SLC35F1: variants seen among roughly 807,000 people sequenced by gnomAD.
SLC35F1 encodes solute carrier family 35 member F1, also known as chromosome 6 open reading frame 169.
In SLC35F1, 14 loss-of-function variants were observed where a neutral mutation model predicts 48.7. That is an observed-to-expected ratio of 0.29 (90% CI 0.19 to 0.45). The LOEUF is 0.45. Among genes scored for constraint, SLC35F1 ranks in the 20% least tolerant of loss-of-function variants. The pLI is 1.00. For missense variants in SLC35F1, 404 were observed against 500.0 expected (o/e 0.81, Z 1.83); for synonymous variants, 190 against 202.2 (o/e 0.94, Z 0.51).
intron 1 of SLC35F1, among the ~76,000 whole-genome samples, chr6:118,067,353 C>T (rs139042355): frequency 1.4e-4 from 21 of 152,080 alleles, no homozygotes; most frequent in African/African-American, 2.4e-4. Flanking sequence ...GTGCTAGAGA[C>T]GCAGATTAAG....
intron 4 of SLC35F1, among the ~76,000 whole-genome samples, chr6:118,269,438 A>G (rs1261054563): frequency 6.6e-6 from 1 of 152,198 alleles, no homozygotes; most frequent in Non-Finnish European, 1.5e-5. Flanking sequence ...TTTTAAGACC[A>G]GCCCAGATAT....
rs143052059 is a variant in SLC35F1 at position 118,060,053 on chromosome 6, T to C, written c.174-94392T>C. 3.9e-3 allele frequency among the ~76,000 whole-genome samples: 592 copies of C among 152,328 alleles called. 2 individuals are homozygous for C. The highest frequency in any genetic ancestry group is 4.3e-3 in the Non-Finnish European group (291 of 68,032). ...GTATCTAATTAGAGAGAAAATATCT[T>C]CTATTATAAAGATCAAAGCCACATA... On this transcript the variant is annotated intron_variant, in intron 1 of 7. Transcript: ENST00000360388.
intron 3 of SLC35F1, among the ~76,000 whole-genome samples, chr6:118,261,281 C>A (rs1481823515): frequency 6.6e-6 from 1 of 152,156 alleles, no homozygotes; most frequent in Non-Finnish European, 1.5e-5. Flanking sequence ...ATCCAGAGGC[C>A]TTCCCTGGTG....
intron 1 of SLC35F1, among the ~76,000 whole-genome samples, chr6:118,145,134 C>T (rs1297997174): frequency 6.6e-6 from 1 of 152,192 alleles, no homozygotes; most frequent in Non-Finnish European, 1.5e-5. Flanking sequence ...TCACTCCCTA[C>T]CTCTCCATAC....
At chr6:118,272,254 A>C (rs1775860800) in intron 4 of SLC35F1, among the ~76,000 whole-genome samples, 1 of 152,202 alleles carries the variant, frequency 6.6e-6, no homozygotes, top group South Asian at 2.1e-4. Context: ...ACAAGTTAAC[A>C]AGTAACAGAC....
intron 1 of SLC35F1, among the ~76,000 whole-genome samples, chr6:117,925,840 C>G (rs1379830614): frequency 6.6e-6 from 1 of 152,040 alleles, no homozygotes; most frequent in Non-Finnish European, 1.5e-5. Context: ...GTCTGTGGCA[C>G]CTTTGATAAT....
intron 1 of SLC35F1, among the ~76,000 whole-genome samples, chr6:118,002,814 A>C (rs1421170788): frequency 6.6e-6 from 1 of 151,796 alleles, no homozygotes; most frequent in East Asian, 1.9e-4. Flanking sequence ...GTAAAAGTGG[A>C]ATTATTAAAA....
At chr6:118,300,133 A>G (rs1166576956) in intron 7 of SLC35F1, among the ~76,000 whole-genome samples, 1 of 152,164 alleles carries the variant, frequency 6.6e-6, no homozygotes, top group Non-Finnish European at 1.5e-5. Context: ...AATTAAGGGG[A>G]AAAAATTACA....
At chr6:118,176,288 C>G (rs1401300431) in intron 2 of SLC35F1, among the ~76,000 whole-genome samples, 1 of 152,088 alleles carries the variant, frequency 6.6e-6, no homozygotes, top group Non-Finnish European at 1.5e-5. Context: ...AGCTTCAGTT[C>G]AGTTCATTTC....
In SLC35F1 at chr6:117,994,488, T is replaced by G. The variant is rs7748073; in HGVS notation, c.173+86589T>G. On this transcript the variant is annotated intron_variant, in intron 1 of 7. Coordinates refer to ENST00000360388, the MANE Select transcript of SLC35F1 (RefSeq NM_001029858.4). ...GCCATTTTGCCTTCCACAGCTTTCA[T>G]AGACCTCCTCACAAGAGCTATTTCC... 2.1e-3 allele frequency among the ~76,000 whole-genome samples: 313 copies of G among 152,338 alleles called. 2 individuals are homozygous for G. Among genetic ancestry groups the G allele is most frequent in the African/African-American group, 7.2e-3 (301 of 41,584 alleles).
At chr6:118,210,828 T>A (rs1774992303) in intron 2 of SLC35F1, among the ~76,000 whole-genome samples, 1 of 152,166 alleles carries the variant, frequency 6.6e-6, no homozygotes, top group Non-Finnish European at 1.5e-5. Flanking sequence ...GGAGCCATAG[T>A]CCAAGTGCTG....
At chr6:118,184,970 C>T (rs914975084) in intron 2 of SLC35F1, among the ~76,000 whole-genome samples, 3 of 152,174 alleles carry the variant, frequency 2.0e-5, no homozygotes, top group Non-Finnish European at 4.4e-5. Context: ...TTAGTCACCA[C>T]CAAATTGCAC....
At chr6:118,249,005 A>G (rs1010925859) in intron 3 of SLC35F1, among the ~76,000 whole-genome samples, 4 of 152,218 alleles carry the variant, frequency 2.6e-5, no homozygotes, top group African/African-American at 9.6e-5. Flanking sequence ...ACGCGAGGAC[A>G]CAGAGAAATG....
Position 117,907,819 on chromosome 6 carries a change from C to T in SLC35F1, c.93C>T (p.Ala31=), listed in dbSNP as rs1334825290. 4.5e-6 allele frequency: 7 copies of T among 1,547,438 alleles called. No individual in the cohort carries two copies. The highest frequency in any genetic ancestry group is 2.0e-4 in the Middle Eastern group (1 of 5,038). ...HVVTTIENLP[A]EGSGGGGSLS... is the part of the protein sequence containing the mutation. ...TGACCACCATCGAGAACCTGCCGGC[C>T]GAGGGCAGCGGCGGCGGCGGGAGCC... Residue 31 remains alanine, a synonymous_variant, in exon 1 of 8, where the codon GCC becomes GCT. Transcript: ENST00000360388.
At chr6:118,000,742 T>G (rs1256481941) in intron 1 of SLC35F1, among the ~76,000 whole-genome samples, 1 of 152,198 alleles carries the variant, frequency 6.6e-6, no homozygotes, top group African/African-American at 2.4e-5. Flanking sequence ...ATAAGCAACT[T>G]CAGCTAAGTC....
intron 1 of SLC35F1, among the ~76,000 whole-genome samples, chr6:118,011,900 C>G (rs536528523): frequency 1.3e-5 from 2 of 152,120 alleles, no homozygotes; most frequent in Non-Finnish European, 2.9e-5. Flanking sequence ...GGACAAGAGA[C>G]AGATATCTTT....
At chr6:117,914,354 A>G (rs1775802215) in intron 1 of SLC35F1, among the ~76,000 whole-genome samples, 1 of 152,134 alleles carries the variant, frequency 6.6e-6, no homozygotes, top group South Asian at 2.1e-4. Flanking sequence ...AGAGAAACCT[A>G]CTATAACTGA....
intron 7 of SLC35F1, among the ~76,000 whole-genome samples, chr6:118,292,304 G>T (rs1257355754): frequency 6.6e-6 from 1 of 152,104 alleles, no homozygotes; most frequent in African/African-American, 2.4e-5. Flanking sequence ...GGGACCAAAG[G>T]GTGAAGTTTA....
At chr6:118,101,821 G>C (rs971302432) in intron 1 of SLC35F1, among the ~76,000 whole-genome samples, 14 of 152,180 alleles carry the variant, frequency 9.2e-5, no homozygotes, top group Non-Finnish European at 1.6e-4. Context: ...ATTACATACT[G>C]TGTTTATAAT....
Sources: allele counts gnomAD v4.1 joint callset (sites outside exome capture counted in the v4.1 genomes callset), GRCh38; gene constraint gnomAD v4.1.1; transcripts MANE v1.5; gene names NCBI Gene and HGNC (gene_info 2026-07-23, HGNC 2026-07-21).